Variants in CHRM3 observed in about 807,000 individuals in gnomAD.
CHRM3 encodes cholinergic receptor muscarinic 3, also known as muscarinic acetylcholine receptor M3.
In CHRM3, 11 loss-of-function variants were observed where a neutral mutation model predicts 41.8. The ratio of observed to expected loss-of-function variants is 0.26; its 90% CI spans 0.17 to 0.44. The LOEUF (loss-of-function observed/expected upper bound fraction) is 0.44. Ranked by LOEUF, CHRM3 falls within the 20% of genes least tolerant of loss-of-function variation. The pLI is 1.00. For missense variants in CHRM3, 571 were observed against 745.4 expected, an observed-to-expected ratio of 0.77 and a Z score of 2.72; for synonymous variants, 297 against 301.4, an observed-to-expected ratio of 0.99 and a Z score of 0.15.
At chr1:239,627,384 G>A (rs1336317692) in intron 3 of CHRM3, among the ~76,000 whole-genome samples, 3 of 119,654 alleles carry the variant, frequency 2.5e-5, no homozygotes, top group Admixed American at 1.6e-4. Context: ...TTTATTTTGA[G>A]CCTATGTGTG....
intron 4 of CHRM3, among the ~76,000 whole-genome samples, chr1:239,651,367 C>G (rs1672223967): frequency 6.6e-6 from 1 of 152,136 alleles, no homozygotes; most frequent in Admixed American, 6.6e-5. Context: ...TAAGACACGT[C>G]TTTAAATATT....
intron 4 of CHRM3, among the ~76,000 whole-genome samples, chr1:239,677,366 T>A (rs1042849414): frequency 6.6e-6 from 1 of 152,216 alleles, no homozygotes; most frequent in African/African-American, 2.4e-5. Flanking sequence ...ATCGGTAAAG[T>A]GGGTGATTCT....
At chr1:239,837,500 C>A (rs1673424708) in intron 6 of CHRM3, among the ~76,000 whole-genome samples, 1 of 152,130 alleles carries the variant, frequency 6.6e-6, no homozygotes, top group Non-Finnish European at 1.5e-5. Context: ...AGCTGCAAAC[C>A]CTGACAGACA....
chr1:239,476,634 T>A (rs1007420159), intron 1 of CHRM3, among the ~76,000 whole-genome samples: 3 of 152,176 alleles, frequency 2.0e-5, no homozygotes, highest in African/African-American at 7.2e-5. Context: ...TAGATATAGA[T>A]GTGGATATAA....
intron 2 of CHRM3, among the ~76,000 whole-genome samples, chr1:239,516,457 A>T (rs1207821366): frequency 3.3e-5 from 5 of 152,212 alleles, no homozygotes; most frequent in Non-Finnish European, 4.4e-5. Context: ...ATGACATTTC[A>T]TCTGCCTTTG....
At chr1:239,488,057 A>G (rs1237354660) in intron 1 of CHRM3, among the ~76,000 whole-genome samples, 2 of 152,118 alleles carry the variant, frequency 1.3e-5, no homozygotes, top group African/African-American at 2.4e-5. Flanking sequence ...AAAGATAAAC[A>G]AGTTTGTTAA....
chr1:239,588,096 A>G (rs2148620933), intron 3 of CHRM3, among the ~76,000 whole-genome samples: 1 of 152,360 alleles, frequency 6.6e-6, no homozygotes, highest in South Asian at 2.1e-4. Context: ...TACTGCATAA[A>G]AACTTTTGAA....
At chr1:239,426,476 A>C (rs1167248374) in intron 1 of CHRM3, among the ~76,000 whole-genome samples, 1 of 149,902 alleles carries the variant, frequency 6.7e-6, no homozygotes, top group Non-Finnish European at 1.5e-5. Flanking sequence ...CGCAAAAAAA[A>C]AAAAAAAAAG....
intron 6 of CHRM3, among the ~76,000 whole-genome samples, chr1:239,885,128 A>G (rs928974776): frequency 6.6e-6 from 1 of 152,210 alleles, no homozygotes; most frequent in Non-Finnish European, 1.5e-5. Flanking sequence ...CTTAAAAGGA[A>G]TAAAAAATAA....
intron 6 of CHRM3, among the ~76,000 whole-genome samples, chr1:239,890,773 A>G (rs1678488472): frequency 6.6e-6 from 1 of 152,238 alleles, no homozygotes; most frequent in Non-Finnish European, 1.5e-5. Context: ...CTAGCATCAT[A>G]AAGATTTTTA....
intron 5 of CHRM3, among the ~76,000 whole-genome samples, chr1:239,759,859 T>C (rs963979805): frequency 2.0e-5 from 3 of 152,182 alleles, no homozygotes; most frequent in Admixed American, 1.3e-4. Context: ...GGAATCCACT[T>C]CCAAGATGTC....
At chr1:239,565,218 A>C (rs541406082) in intron 3 of CHRM3, among the ~76,000 whole-genome samples, 1 of 152,282 alleles carries the variant, frequency 6.6e-6, no homozygotes, top group South Asian at 2.1e-4. Context: ...CTTTTTCCAA[A>C]TAAGGTTAAC....
rs58433814 is a variant in CHRM3 at position 239,531,639 on chromosome 1, A to ATTTTTTTT, written c.-421-13972_-421-13965dup. Among the ~76,000 whole-genome samples, 44 of 55,900 alleles carry ATTTTTTTT rather than the reference A, an allele frequency of 7.9e-4. 9 individuals are homozygous for ATTTTTTTT. Among genetic ancestry groups the ATTTTTTTT allele is most frequent in the East Asian group, 2.4e-3 (3 of 1,230 alleles). The allele number at this position is 55,900 out of a possible 152,430, so 36.7% of individuals were successfully genotyped here. A position where few individuals can be genotyped will look rare whatever the true frequency, so the allele number is the denominator to read the frequency against. ...ATAAAAACTAATCTCTCTAGAATGG[A>ATTTTTTTT]TTTTTTTTTTTTTTTTTTTTTTTTT... On this transcript the variant is annotated intron_variant, in intron 2 of 6. Transcript: ENST00000676153.
intron 2 of CHRM3, among the ~76,000 whole-genome samples, chr1:239,523,844 G>A (rs1220890500): frequency 6.6e-6 from 1 of 152,138 alleles, no homozygotes; most frequent in Non-Finnish European, 1.5e-5. Context: ...ACATTTTTGT[G>A]TAGTACAGAG....
At chr1:239,397,698 TA>T (rs1659611869) in intron 1 of CHRM3, among the ~76,000 whole-genome samples, 1 of 147,464 alleles carries the variant, frequency 6.8e-6, no homozygotes, top group Non-Finnish European at 1.5e-5. Flanking sequence ...TATATATATA[TA>T]TATATATTTC....
intron 5 of CHRM3, among the ~76,000 whole-genome samples, chr1:239,737,916 C>T (rs1418779102): frequency 6.6e-6 from 1 of 151,962 alleles, no homozygotes; most frequent in Non-Finnish European, 1.5e-5. Flanking sequence ...ACAAAAAATG[C>T]CCAGAAACCA....
chr1:239,668,061 A>C (rs1260087958), intron 4 of CHRM3, among the ~76,000 whole-genome samples: 2 of 118,394 alleles, frequency 1.7e-5, no homozygotes, highest in African/African-American at 6.3e-5. Context: ...GGTCAAATAC[A>C]CTTTTTCTTT....
chr1:239,405,633 A>C (rs1427055243), intron 1 of CHRM3, among the ~76,000 whole-genome samples: 5 of 152,166 alleles, frequency 3.3e-5, no homozygotes, highest in Non-Finnish European at 5.9e-5. Flanking sequence ...TTTTAGAAAA[A>C]TTAAACTACC....
chr1:239,646,461 T>A (rs1209297070), intron 4 of CHRM3, among the ~76,000 whole-genome samples: 1 of 152,200 alleles, frequency 6.6e-6, no homozygotes, highest in Non-Finnish European at 1.5e-5. Context: ...TTCACAGTAA[T>A]AGGCACATAT....
Sources: allele counts gnomAD v4.1 joint callset (sites outside exome capture counted in the v4.1 genomes callset), GRCh38; gene constraint gnomAD v4.1.1; transcripts MANE v1.5; gene names NCBI Gene and HGNC (gene_info 2026-07-23, HGNC 2026-07-21).